Variants in INVS observed in about 807,000 individuals in gnomAD.
The protein encoded by INVS is inversion of embryo turning homolog.
In INVS, 86 loss-of-function variants were observed where a neutral mutation model predicts 108.8. That is an observed-to-expected ratio of 0.79 (90% CI 0.66 to 0.95). The LOEUF (loss-of-function observed/expected upper bound fraction) is 0.95. Ranked by LOEUF, INVS falls within the 40% of genes least tolerant of loss-of-function variation. INVS has a pLI of 0.00. For missense variants in INVS, 1,169 were observed against 1,297.4 expected (o/e 0.90, Z 1.52); for synonymous variants, 455 against 473.5 (o/e 0.96, Z 0.51).
At chr9:100,229,068 C>G (rs1424601306) in intron 4 of INVS, among the ~76,000 whole-genome samples, 3 of 152,348 alleles carry the variant, frequency 2.0e-5, no homozygotes, top group South Asian at 2.1e-4. Flanking sequence ...TTTCTTCTTC[C>G]TTCTTTACAG....
At chr9:100,228,094 G>A (rs1372277826) in intron 4 of INVS, among the ~76,000 whole-genome samples, 1 of 150,810 alleles carries the variant, frequency 6.6e-6, no homozygotes, top group Non-Finnish European at 1.5e-5. Flanking sequence ...AGGTTCAAGC[G>A]ATTCTCATGC....
At chr9:100,235,563 G>A (rs922625420) in intron 5 of INVS, among the ~76,000 whole-genome samples, 2 of 152,128 alleles carry the variant, frequency 1.3e-5, no homozygotes, top group Admixed American at 1.3e-4. Flanking sequence ...AGGCCTGGTG[G>A]TGACAAAAAT....
rs763504274 is a variant in INVS, at chr9:100,242,654, A to G, written c.881A>G (p.His294Arg). 6.2e-7 allele frequency: 1 copy of G among 1,606,158 alleles called. No individual in the cohort carries two copies. Among genetic ancestry groups the G allele is most frequent in the East Asian group, 2.2e-5 (1 of 44,826 alleles). Residue 294 changes from histidine to arginine, a missense_variant, in exon 7 of 17, where the codon CAC becomes CGC. His to Arg is a conservative substitution (Grantham distance 29). Coordinates refer to ENST00000262457, the MANE Select transcript of INVS (RefSeq NM_014425.5). ...GACAGCCAAGGAGCCACACCTTTGC[A>G]CTATGCTGCTCAGAGTAACTTTGCT... ...PSDSQGATPLHYAAQSNFAET... is the reference protein window; with the variant it reads ...PSDSQGATPLRYAAQSNFAET...
At chr9:100,233,405 A>C (rs1831575601) in intron 5 of INVS, among the ~76,000 whole-genome samples, 1 of 152,052 alleles carries the variant, frequency 6.6e-6, no homozygotes. Context: ...TTCCAATACT[A>C]TGTTGAATAG....
At chr9:100,124,666 G>A (rs846761) in intron 2 of INVS, among the ~76,000 whole-genome samples, 103,388 of 151,900 alleles carry the variant, frequency 0.68, 36,321 homozygotes, top group East Asian at 0.91. Flanking sequence ...TTCATAGTTG[G>A]TTGTTGGAGC....
intron 3 of INVS, among the ~76,000 whole-genome samples, chr9:100,133,808 C>CACACACACAT (rs1828132144): frequency 6.7e-6 from 1 of 149,894 alleles, no homozygotes; most frequent in African/African-American, 2.5e-5. Flanking sequence ...CACACACATA[C>CACACACACAT]ACACATCCCT....
chr9:100,228,294 CATT>C (rs1442588884), intron 4 of INVS, among the ~76,000 whole-genome samples: 2 of 152,078 alleles, frequency 1.3e-5, no homozygotes, highest in Non-Finnish European at 2.9e-5. Flanking sequence ...CCCAGCCAAA[CATT>C]ATTTTCTTTT....
chr9:100,109,661 G>GTTTA (rs1827281237), intron 2 of INVS, among the ~76,000 whole-genome samples: 1 of 151,990 alleles, frequency 6.6e-6, no homozygotes, highest in South Asian at 2.1e-4. Context: ...TCCTCTACTT[G>GTTTA]TTTATTTATT....
At chr9:100,181,015 C>A (rs1417780309) in intron 3 of INVS, among the ~76,000 whole-genome samples, 1 of 152,124 alleles carries the variant, frequency 6.6e-6, no homozygotes, top group Non-Finnish European at 1.5e-5. Context: ...ATAAACAGAA[C>A]CAATGACAAA....
At chr9:100,157,251 A>G (rs60181536) in intron 3 of INVS, among the ~76,000 whole-genome samples, 28,983 of 147,362 alleles carry the variant, frequency 0.2, 5,010 homozygotes, top group African/African-American at 0.48. Context: ...AGAAATAGTA[A>G]AAATTTCTTT....
chr9:100,100,264 T>G (rs563368900), intron 1 of INVS, among the ~76,000 whole-genome samples: 97 of 151,888 alleles, frequency 6.4e-4, no homozygotes, highest in Non-Finnish European at 1.2e-3. Flanking sequence ...GCATAATGGC[T>G]TTCTCAGGGT....
intron 11 of INVS, among the ~76,000 whole-genome samples, chr9:100,267,040 A>G (rs932879344): frequency 2.8e-4 from 43 of 151,072 alleles, no homozygotes; most frequent in African/African-American, 9.7e-4. Flanking sequence ...AAAAAAAAAA[A>G]AAAGAAAGTT....
intron 3 of INVS, among the ~76,000 whole-genome samples, chr9:100,217,308 C>CA (rs1189397355): frequency 6.6e-6 from 1 of 151,508 alleles, no homozygotes; most frequent in East Asian, 1.9e-4. Context: ...GACTCTGTCT[C>CA]AAAAAAATAA....
chr9:100,257,540 T>G (rs571529902), intron 10 of INVS, among the ~76,000 whole-genome samples: 6 of 152,352 alleles, frequency 3.9e-5, no homozygotes, highest in African/African-American at 1.4e-4. Flanking sequence ...TTGTAGTGGC[T>G]AGTACCAGTT....
chr9:100,147,335 G>A (rs1828650934), intron 3 of INVS, among the ~76,000 whole-genome samples: 1 of 152,234 alleles, frequency 6.6e-6, no homozygotes, highest in South Asian at 2.1e-4. Flanking sequence ...TTGCTCCTTG[G>A]AATTGGTAAG....
intron 3 of INVS, among the ~76,000 whole-genome samples, chr9:100,132,273 G>A (rs564212167): frequency 6.6e-6 from 1 of 152,214 alleles, no homozygotes; most frequent in African/African-American, 2.4e-5. Context: ...ATCAGTAAAT[G>A]TGAATATCAA....
intron 3 of INVS, among the ~76,000 whole-genome samples, chr9:100,177,103 G>A (rs959271215): frequency 3.1e-4 from 47 of 151,958 alleles, no homozygotes; most frequent in African/African-American, 1.1e-3. Context: ...CAGATACTAC[G>A]CTTTTCCCAC....
intron 3 of INVS, among the ~76,000 whole-genome samples, chr9:100,217,435 T>C (rs1831024858): frequency 6.6e-6 from 1 of 152,226 alleles, no homozygotes; most frequent in African/African-American, 2.4e-5. Flanking sequence ...CTGCAGATGC[T>C]GGCAGAAGAC....
At chr9:100,282,472 A>G (rs886248139) in intron 12 of INVS, among the ~76,000 whole-genome samples, 1 of 152,238 alleles carries the variant, frequency 6.6e-6, no homozygotes, top group African/African-American at 2.4e-5. Flanking sequence ...GGGCTACTCC[A>G]TACAGGAAGA....
Sources: allele counts gnomAD v4.1 joint callset (sites outside exome capture counted in the v4.1 genomes callset), GRCh38; gene constraint gnomAD v4.1.1; transcripts MANE v1.5; gene names NCBI Gene and HGNC (gene_info 2026-07-23, HGNC 2026-07-21).